PPARG: variants seen among roughly 807,000 people sequenced by gnomAD.
PPARG encodes peroxisome proliferator-activated receptor gamma.
Under a neutral mutation model 39.2 loss-of-function variants are expected in PPARG, and 17 were observed. The observed-to-expected ratio is 0.43, with a 90% CI of 0.30 to 0.65. The LOEUF (loss-of-function observed/expected upper bound fraction) is 0.65, where lower values mean the gene tolerates loss of function less well. PPARG is among the 30% of genes least tolerant of loss of function. The pLI is 0.13. For missense variants in PPARG, 406 were observed against 585.9 expected (o/e 0.69, Z 3.17); for synonymous variants, 223 against 215.7 (o/e 1.03, Z -0.30).
chr3:12,328,096 G>C, intron 2 of PPARG: 1 of 1,426,510 alleles, frequency 7.0e-7, no homozygotes, highest in Non-Finnish European at 9.9e-7. Context: ...CATGTATGAA[G>C]GTGTAGGAAG....
intron 1 of PPARG, among the ~76,000 whole-genome samples, chr3:12,293,149 A>T (rs536117459): frequency 9.0e-4 from 137 of 152,090 alleles, no homozygotes; most frequent in Middle Eastern, 3.4e-3. Flanking sequence ...AGTGCCATGA[A>T]TTTTTTTTCC....
At chr3:12,310,352 G>A (rs1484805663) in intron 1 of PPARG, among the ~76,000 whole-genome samples, 1 of 151,926 alleles carries the variant, frequency 6.6e-6, no homozygotes. Context: ...AGGAAAGCTG[G>A]TACAACTTAA....
At chr3:12,339,083 C>G (rs964658692) in intron 2 of PPARG, among the ~76,000 whole-genome samples, 2 of 152,206 alleles carry the variant, frequency 1.3e-5, no homozygotes, top group Middle Eastern at 3.4e-3. Flanking sequence ...AATACACAGC[C>G]TAATCTAGGC....
chr3:12,342,050 T>C (rs773657933), intron 2 of PPARG, among the ~76,000 whole-genome samples: 10 of 152,198 alleles, frequency 6.6e-5, no homozygotes, highest in Non-Finnish European at 1.3e-4. Flanking sequence ...CCATTCTAAC[T>C]TAGTGGTAGA....
chr3:12,337,016 G>T (rs932292377), intron 2 of PPARG, among the ~76,000 whole-genome samples: 1 of 152,106 alleles, frequency 6.6e-6, no homozygotes, highest in African/African-American at 2.4e-5. Flanking sequence ...GAACTAGAAG[G>T]CATACTCTTT....
rs778047423 is a variant in PPARG at position 12,433,888 on chromosome 3, G to T, written c.1181-10G>T. 9 of 1,613,846 alleles carry T rather than the reference G, an allele frequency of 5.6e-6. No homozygotes were observed. In the South Asian group the frequency reaches 9.9e-5, roughly 18 times the overall value. ...ACCCCCTGTTGTGTTTTCCATATGT[G>T]CTTCCCCAGACCGCCCAGGTTTGCT... On this transcript the variant is annotated splice_polypyrimidine_tract_variant and intron_variant, in intron 7 of 7. Coordinates refer to ENST00000651735, the MANE Select transcript of PPARG (RefSeq NM_138711.6).
Position 12,356,951 on chromosome 3 carries a change from C to G in PPARG, c.-8-22753C>G, listed in dbSNP as rs140129716. Among the ~76,000 whole-genome samples the G allele has an allele frequency of 2.6e-3, 401 of 152,294 alleles. 2 individuals are homozygous for G. Among genetic ancestry groups the G allele is most frequent in the South Asian group, 0.014 (67 of 4,824 alleles). On this transcript the variant is annotated intron_variant, in intron 2 of 7. Coordinates refer to ENST00000651735, the MANE Select transcript of PPARG (RefSeq NM_138711.6). ...TTCAAGTAACCTCTACTCCGTGAAG[C>G]ATTCTCTGAATTCATTGCTGTTCAT...
chr3:12,337,540 A>G (rs986376167), intron 2 of PPARG, among the ~76,000 whole-genome samples: 1 of 152,232 alleles, frequency 6.6e-6, no homozygotes, highest in African/African-American at 2.4e-5. Context: ...AGAAAATCTT[A>G]GAAGCCATCT....
intron 2 of PPARG, among the ~76,000 whole-genome samples, chr3:12,340,131 T>C (rs1022254383): frequency 1.3e-5 from 2 of 152,200 alleles, no homozygotes; most frequent in Non-Finnish European, 2.9e-5. Flanking sequence ...AATGGAACCA[T>C]CCTATGAGAT....
chr3:12,359,242 G>A (rs2125112438), intron 2 of PPARG, among the ~76,000 whole-genome samples: 1 of 152,084 alleles, frequency 6.6e-6, no homozygotes, highest in East Asian at 1.9e-4. Flanking sequence ...TTGATTTAAG[G>A]TTTTAGATTA....
intron 4 of PPARG, among the ~76,000 whole-genome samples, chr3:12,384,895 C>T (rs997481550): frequency 7.2e-5 from 11 of 152,074 alleles, no homozygotes; most frequent in African/African-American, 2.7e-4. Context: ...AGATAGCCCA[C>T]ATAAACAAAA....
intron 2 of PPARG, chr3:12,372,083 C>A (rs1205694389): frequency 6.9e-6 from 5 of 721,130 alleles, no homozygotes; most frequent in Non-Finnish European, 1.3e-5. Flanking sequence ...TCCAACAAAA[C>A]TACAAAGGAC....
chr3:12,306,763 C>T (rs2047075934), intron 1 of PPARG, among the ~76,000 whole-genome samples: 1 of 152,184 alleles, frequency 6.6e-6, no homozygotes, highest in Admixed American at 6.5e-5. Context: ...TAAATTAGAT[C>T]ACCAAATCTT....
rs556381640 is a variant in PPARG at position 12,368,183 on chromosome 3, C to CTTTTTTTTTTTTTTTTTTTTTT, written c.-8-11515_-8-11514insTTTTTTTTTTTTTTTTTTTTTT. Among the ~76,000 whole-genome samples the CTTTTTTTTTTTTTTTTTTTTTT allele has an allele frequency of 3.0e-5, 4 of 133,468 alleles. 2 individuals carry two copies. Among genetic ancestry groups the CTTTTTTTTTTTTTTTTTTTTTT allele is most frequent in the Non-Finnish European group, 6.3e-5 (4 of 63,536 alleles). 87.6% of individuals were successfully genotyped at this position (133,468 alleles called of 152,430 possible). On this transcript the variant is annotated intron_variant, in intron 2 of 7. Transcript: ENST00000651735. ...TAATAGTTTTCATTTTTTTCTTTTT[C>CTTTTTTTTTTTTTTTTTTTTTT]TTTTTTGTTTTTTTTTCAGACAGTG...
At chr3:12,371,965 A>T in intron 2 of PPARG, 2 of 715,808 alleles carry the variant, frequency 2.8e-6, no homozygotes, top group South Asian at 3.0e-5. Flanking sequence ...ATCAGTAAGG[A>T]TGGGCTGGAT....
chr3:12,349,067 A>T (rs1475880006), intron 2 of PPARG, among the ~76,000 whole-genome samples: 1 of 152,314 alleles, frequency 6.6e-6, no homozygotes, highest in South Asian at 2.1e-4. Context: ...ATATCATTGC[A>T]TGCCAATTGA....
chr3:12,394,834 A>G (rs1281798765), intron 5 of PPARG, among the ~76,000 whole-genome samples: 1 of 152,234 alleles, frequency 6.6e-6, no homozygotes, highest in East Asian at 1.9e-4. Context: ...GCTTTGACCA[A>G]TGTGAAGCCA....
intron 6 of PPARG, among the ~76,000 whole-genome samples, chr3:12,412,927 C>T (rs2050927077): frequency 6.6e-6 from 1 of 152,118 alleles, no homozygotes; most frequent in African/African-American, 2.4e-5. Context: ...CTGTTAGCCC[C>T]CAACTAGAAG....
Position 12,433,998 on chromosome 3 carries a change from A to G in PPARG, c.1281A>G (p.Ser427=), listed in dbSNP as rs41516544. ...LQLKLNHPES[S]QLFAKLLQKM... ...TGAAGCTGAACCACCCTGAGTCCTC[A>G]CAGCTGTTTGCCAAGCTGCTCCAGA... The change falls in exon 8 of 8, where the codon TCA becomes TCG. Residue 427 remains serine, a synonymous_variant. Coordinates refer to ENST00000651735, the MANE Select transcript of PPARG (RefSeq NM_138711.6). The G allele has an allele frequency of 1.1e-3, 1,801 of 1,614,222 alleles. 23 individuals are homozygous for G. The African/African-American group carries it at 0.02, about 18-fold the overall frequency.
Sources: allele counts gnomAD v4.1 joint callset (sites outside exome capture counted in the v4.1 genomes callset), GRCh38; gene constraint gnomAD v4.1.1; transcripts MANE v1.5; gene names NCBI Gene and HGNC (gene_info 2026-07-23, HGNC 2026-07-21).